Variants in DACH2 observed in about 807,000 individuals in gnomAD.
DACH2 encodes dachshund homolog 2.
A neutral mutation model predicts 35.8 loss-of-function variants in DACH2; 17 were observed. The observed-to-expected ratio is 0.48, with a 90% CI of 0.33 to 0.71. DACH2 has a LOEUF of 0.71. DACH2 is among the 30% of genes least tolerant of loss of function. The pLI is 0.02. For missense variants in DACH2, 469 were observed against 472.7 expected (o/e 0.99, Z 0.07); for synonymous variants, 195 against 177.3 (o/e 1.10, Z -0.79).
rs182971629 is a variant in DACH2, at chrX:86,324,950, C to G, written c.489-51874C>G. The stretch of plus-strand genomic sequence containing the variant: ...CCACCAGCAAAAGTATTAGGACTTG[C>G]CAAAGGCTCAGATGATTGTTAGCAA... On this transcript the variant is annotated intron_variant, in intron 1 of 11. Transcript: ENST00000373125. Among the ~76,000 whole-genome samples, 424 of 109,958 alleles carry G rather than the reference C, an allele frequency of 3.9e-3. 6 individuals are homozygous for G. The highest frequency in any genetic ancestry group is 0.014 in the African/African-American group (408 of 30,204).
chrX:86,440,533 G>A (rs1026724460), intron 2 of DACH2, among the ~76,000 whole-genome samples: 5 of 111,262 alleles, frequency 4.5e-5, no homozygotes, highest in Admixed American at 9.6e-5. Flanking sequence ...TTTTGGCAAG[G>A]TATAGTTGGA....
intron 1 of DACH2, among the ~76,000 whole-genome samples, chrX:86,211,450 G>A (rs1333790550): frequency 9.9e-5 from 11 of 111,359 alleles, no homozygotes; most frequent in Non-Finnish European, 9.5e-5. Flanking sequence ...AAGCATAGCT[G>A]GCTCATTAAA....
intron 2 of DACH2, among the ~76,000 whole-genome samples, chrX:86,506,695 T>C (rs2038329026): frequency 8.9e-6 from 1 of 111,904 alleles, no homozygotes; most frequent in Non-Finnish European, 1.9e-5. Context: ...CACCTGGCTC[T>C]CCTCTCCACT....
chrX:86,592,508 T>C (rs1476081135), intron 3 of DACH2, among the ~76,000 whole-genome samples: 1 of 112,050 alleles, frequency 8.9e-6, no homozygotes, highest in Admixed American at 9.5e-5. Context: ...CCATTCCAGA[T>C]CTTTTGCATT....
rs781096002 is a variant in DACH2, at chrX:86,716,476, A to T, written c.1104+1756A>T. Among the ~76,000 whole-genome samples the T allele has an allele frequency of 2.1e-3, 232 of 111,586 alleles. 1 individual carries two copies. Among genetic ancestry groups the T allele is most frequent in the Non-Finnish European group, 3.1e-3 (163 of 53,130 alleles). ...TTAGGCGCCTAAGGAGAGGAAGATC[A>T]CTTGAAACCAGGGGTTCAAGATCAG... On this transcript the variant is annotated intron_variant, in intron 6 of 11. Transcript: ENST00000373125.
chrX:86,718,980 T>C, intron 6 of DACH2, among the ~76,000 whole-genome samples: 1 of 112,329 alleles, frequency 8.9e-6, no homozygotes, highest in Admixed American at 9.5e-5. Context: ...TAGTTCCATA[T>C]GATTTTGAGG....
At chrX:86,831,575 C>G (rs181244860) in intron 11 of DACH2, 67 of 111,114 alleles carry the variant, frequency 6.0e-4, no homozygotes, top group African/African-American at 2.1e-3. Flanking sequence ...GGCATGGGCT[C>G]TTTTAATGAC....
At chrX:86,206,966 A>G (rs922964820) in intron 1 of DACH2, among the ~76,000 whole-genome samples, 1 of 111,940 alleles carries the variant, frequency 8.9e-6, no homozygotes, top group East Asian at 2.8e-4. Context: ...TAAATTGATA[A>G]TGTCATTTCT....
At chrX:86,160,493 T>C in intron 1 of DACH2, 1 of 534,475 alleles carries the variant, frequency 1.9e-6, no homozygotes. Context: ...AATCTTTTCC[T>C]TCAGTACAGC....
intron 2 of DACH2, among the ~76,000 whole-genome samples, chrX:86,417,750 A>G (rs2036733026): frequency 9.0e-6 from 1 of 111,208 alleles, no homozygotes. Flanking sequence ...ATGTCCTCAC[A>G]TTTCAATACC....
At chrX:86,307,605 T>A (rs1221513382) in intron 1 of DACH2, among the ~76,000 whole-genome samples, 3 of 111,229 alleles carry the variant, frequency 2.7e-5, no homozygotes, top group Non-Finnish European at 5.7e-5. Flanking sequence ...CTGCCTGAGG[T>A]AACAGTGATG....
intron 4 of DACH2, among the ~76,000 whole-genome samples, chrX:86,652,509 T>C (rs1231690569): frequency 8.9e-6 from 1 of 112,175 alleles, no homozygotes; most frequent in Non-Finnish European, 1.9e-5. Flanking sequence ...TTTAGTTCTT[T>C]GAGGAATCAC....
At chrX:86,713,789 A>G (rs755079436) in intron 5 of DACH2, among the ~76,000 whole-genome samples, 2 of 111,910 alleles carry the variant, frequency 1.8e-5, no homozygotes, top group South Asian at 7.3e-4. Context: ...ACATGATGGC[A>G]AACCTGTGGC....
At chrX:86,358,641 C>T (rs2148078214) in intron 1 of DACH2, among the ~76,000 whole-genome samples, 1 of 111,131 alleles carries the variant, frequency 9.0e-6, no homozygotes, top group Admixed American at 9.6e-5. Flanking sequence ...TACCCAGTGG[C>T]AAGATGGCAA....
intron 2 of DACH2, among the ~76,000 whole-genome samples, chrX:86,414,228 C>A (rs942922496): frequency 1.8e-5 from 2 of 111,130 alleles, no homozygotes; most frequent in Admixed American, 9.6e-5. Flanking sequence ...GTCCATTCGA[C>A]CTAGAAATTT....
chrX:86,653,453 G>A (rs1040896990), intron 4 of DACH2, among the ~76,000 whole-genome samples: 6 of 110,829 alleles, frequency 5.4e-5, no homozygotes, highest in Non-Finnish European at 1.1e-4. Context: ...AGGTCCCTGT[G>A]GGGAGCATGA....
chrX:86,634,150 T>A (rs1309689747), intron 3 of DACH2, among the ~76,000 whole-genome samples: 2 of 111,004 alleles, frequency 1.8e-5, no homozygotes, highest in Non-Finnish European at 3.8e-5. Context: ...TTAAACCATC[T>A]GATCTCATGA....
intron 1 of DACH2, among the ~76,000 whole-genome samples, chrX:86,260,578 A>G (rs1193326279): frequency 1.8e-5 from 2 of 112,406 alleles, no homozygotes; most frequent in Non-Finnish European, 3.8e-5. Flanking sequence ...AAACCCAGGA[A>G]CTGTAAGTTT....
intron 7 of DACH2, among the ~76,000 whole-genome samples, chrX:86,752,902 G>T (rs1294921098): frequency 1.8e-5 from 2 of 111,037 alleles, no homozygotes; most frequent in Non-Finnish European, 3.8e-5. Context: ...GTCATCATAT[G>T]AACTTATTAG....
Sources: gnomAD v4.1 joint callset for allele counts (sites outside exome capture counted in the v4.1 genomes callset) on GRCh38, gnomAD v4.1.1 for gene constraint, MANE v1.5 for transcripts, NCBI Gene and HGNC (gene_info 2026-07-23, HGNC 2026-07-21) for gene names.